TYW1B: variants seen among roughly 807,000 people sequenced by gnomAD.
The protein encoded by TYW1B is S-adenosyl-L-methionine-dependent tRNA 4-demethylwyosine synthase TYW1B.
TYW1B carries 73 observed loss-of-function variants against 86.9 expected under a neutral mutation model. That is an observed-to-expected ratio of 0.84 (90% CI 0.70 to 1.02). TYW1B has a LOEUF of 1.02. TYW1B is among the 50% of genes least tolerant of loss of function. The probability of loss-of-function intolerance (pLI) is 0.00; values close to 1 mark genes in which losing one functional copy is unlikely to be tolerated. For synonymous variants in TYW1B, 248 were observed against 292.8 expected (o/e 0.85, Z 1.56); for missense variants, 637 against 827.4 (o/e 0.77, Z 2.82).
At chr7:72,788,582 G>C (rs1303571779) in intron 6 of TYW1B, among the ~76,000 whole-genome samples, 1 of 152,152 alleles carries the variant, frequency 6.6e-6, no homozygotes, top group Non-Finnish European at 1.5e-5. Context: ...GCCCAGGCTG[G>C]AGTGCAGTGG....
At chr7:72,592,790 T>C (rs1811426684) in intron 13 of TYW1B, among the ~76,000 whole-genome samples, 1 of 152,074 alleles carries the variant, frequency 6.6e-6, no homozygotes, top group Non-Finnish European at 1.5e-5. Context: ...AAAAAGGTTA[T>C]GAAACAAAGA....
chr7:72,756,758 T>C (rs1214673601), intron 7 of TYW1B, among the ~76,000 whole-genome samples: 2 of 152,132 alleles, frequency 1.3e-5, no homozygotes, highest in African/African-American at 2.4e-5. Context: ...AAAGAGCCCT[T>C]AGCCAGAATA....
At chr7:72,731,624 A>T (rs1250249995) in intron 8 of TYW1B, among the ~76,000 whole-genome samples, 2 of 152,184 alleles carry the variant, frequency 1.3e-5, no homozygotes, top group East Asian at 3.8e-4. Context: ...AGTGAATGGG[A>T]TGGAAAAATA....
Position 72,811,956 on chromosome 7 carries a change from CAG to C in TYW1B, c.238-1293_238-1292del, listed in dbSNP as rs144849536. 6.3e-3 allele frequency among the ~76,000 whole-genome samples: 934 copies of C among 149,242 alleles called. 7 individuals are homozygous for C. The highest frequency in any genetic ancestry group is 0.021 in the African/African-American group (876 of 40,750). ...AAAAAGGAAAAGAAAAGAAAAAATA[CAG>C]AGAGATCTCTAAAAAATTATCTAAT... On this transcript the variant is annotated intron_variant, in intron 3 of 13. Transcript: ENST00000620995.
chr7:72,723,060 AG>A, intron 9 of TYW1B: 3 of 985,402 alleles, frequency 3.0e-6, no homozygotes, highest in Admixed American at 2.6e-5. Flanking sequence ...CTGGGTCCCA[AG>A]GGGACAAGGA....
intron 11 of TYW1B, among the ~76,000 whole-genome samples, chr7:72,646,339 G>C (rs1243298584): frequency 6.6e-6 from 1 of 152,078 alleles, no homozygotes; most frequent in East Asian, 1.9e-4. Context: ...TGGGATTACA[G>C]GCATAAGCCA....
chr7:72,679,872 G>A (rs1813827635), intron 11 of TYW1B, among the ~76,000 whole-genome samples: 1 of 152,184 alleles, frequency 6.6e-6, no homozygotes, highest in African/African-American at 2.4e-5. Flanking sequence ...GATCACCTCT[G>A]TAATCCCAGC....
chr7:72,727,680 G>A (rs575780362), intron 9 of TYW1B, among the ~76,000 whole-genome samples: 1 of 152,060 alleles, frequency 6.6e-6, no homozygotes, highest in South Asian at 2.1e-4. Context: ...GTGGTGGCCA[G>A]CGCCTGTAGC....
Position 72,722,429 on chromosome 7 carries a change from G to A in TYW1B, c.1192+6393C>T, listed in dbSNP as rs575323522. Among the ~76,000 whole-genome samples, 11 of 152,290 alleles carry A rather than the reference G, an allele frequency of 7.2e-5. No homozygotes were observed. The South Asian group carries it at 2.3e-3, about 32-fold the overall frequency. Reference sequence around the variant, plus strand: ...AAGAAACCTCAGCCCCATTTTCTGGGAACTATTTCTCCCTGCCATGGTAGT... The same window carrying A: ...AAGAAACCTCAGCCCCATTTTCTGGAAACTATTTCTCCCTGCCATGGTAGT... On this transcript the variant is annotated intron_variant, in intron 9 of 13. Transcript: ENST00000620995.
chr7:72,716,876 G>A (rs1300090062), intron 9 of TYW1B, among the ~76,000 whole-genome samples: 34 of 143,886 alleles, frequency 2.4e-4, no homozygotes, highest in Non-Finnish European at 4.0e-4. Context: ...GCCTCCCAAA[G>A]TGCTGGGATT....
intron 7 of TYW1B, among the ~76,000 whole-genome samples, chr7:72,761,350 A>G (rs1787682115): frequency 6.6e-6 from 1 of 152,150 alleles, no homozygotes; most frequent in South Asian, 2.1e-4. Flanking sequence ...ATGAATATGT[A>G]TAATTCTATA....
At chr7:72,704,738 CATTATT>C (rs1296293306) in intron 10 of TYW1B, among the ~76,000 whole-genome samples, 2 of 152,024 alleles carry the variant, frequency 1.3e-5, no homozygotes, top group East Asian at 1.9e-4. Context: ...ATAAGGTAGT[CATTATT>C]ATTATTATTA....
chr7:72,740,148 G>A (rs1787276278), intron 8 of TYW1B, among the ~76,000 whole-genome samples: 2 of 151,824 alleles, frequency 1.3e-5, no homozygotes, highest in African/African-American at 4.8e-5. Context: ...CAGGAGAATG[G>A]CATGAACCTG....
At chr7:72,735,687 T>C (rs1476288463) in intron 8 of TYW1B, among the ~76,000 whole-genome samples, 4 of 151,894 alleles carry the variant, frequency 2.6e-5, no homozygotes, top group Non-Finnish European at 5.9e-5. Flanking sequence ...CTGGCCAACT[T>C]GGCAAAACTC....
intron 6 of TYW1B, among the ~76,000 whole-genome samples, chr7:72,801,622 G>A (rs1487083515): frequency 6.6e-6 from 1 of 151,530 alleles, no homozygotes. Flanking sequence ...CAGTTAAATT[G>A]AGGCTGTTAT....
chr7:72,714,001 T>C (rs531586465), intron 9 of TYW1B, among the ~76,000 whole-genome samples: 5 of 150,264 alleles, frequency 3.3e-5, no homozygotes, highest in Admixed American at 2.7e-4. Flanking sequence ...TTGGTACCAG[T>C]TAAACTACAT....
chr7:72,631,235 G>A (rs554324148), intron 11 of TYW1B, among the ~76,000 whole-genome samples: 5 of 152,096 alleles, frequency 3.3e-5, no homozygotes, highest in Admixed American at 2.6e-4. Flanking sequence ...TAGAGGGGCC[G>A]GACGTGGTGG....
chr7:72,615,102 C>G (rs1812037635), intron 13 of TYW1B, among the ~76,000 whole-genome samples: 1 of 152,180 alleles, frequency 6.6e-6, no homozygotes, highest in South Asian at 2.1e-4. Context: ...GCACTGTGTC[C>G]CTTGCTGCAC....
At chr7:72,655,984 C>A (rs1323607477) in intron 11 of TYW1B, among the ~76,000 whole-genome samples, 1 of 152,218 alleles carries the variant, frequency 6.6e-6, no homozygotes, top group Non-Finnish European at 1.5e-5. Context: ...ATGACTGCCA[C>A]CACTATTGCA....
Sources: allele counts gnomAD v4.1 joint callset (sites outside exome capture counted in the v4.1 genomes callset), GRCh38; gene constraint gnomAD v4.1.1; transcripts MANE v1.5; gene names NCBI Gene and HGNC (gene_info 2026-07-23, HGNC 2026-07-21).